SYNJ2: variants seen among roughly 807,000 people sequenced by gnomAD.
The protein encoded by SYNJ2 is synaptojanin 2.
Under a neutral mutation model 141.3 loss-of-function variants are expected in SYNJ2, and 116 were observed. The observed-to-expected ratio is 0.82, with a 90% CI of 0.71 to 0.96. The LOEUF is 0.96. SYNJ2 is among the 40% of genes least tolerant of loss of function. The probability of loss-of-function intolerance (pLI) is 0.00; values close to 1 mark genes in which losing one functional copy is unlikely to be tolerated. For missense variants in SYNJ2, 1,873 were observed against 1,934.8 expected (o/e 0.97, Z 0.60); for synonymous variants, 745 against 777.7 (o/e 0.96, Z 0.70).
intron 4 of SYNJ2, among the ~76,000 whole-genome samples, chr6:158,034,770 A>C (rs769365429): frequency 1.3e-5 from 2 of 152,178 alleles, no homozygotes; most frequent in Non-Finnish European, 2.9e-5. Context: ...CTATGTCTAG[A>C]ATGGTATTGC....
chr6:158,088,940 T>G (rs1310955282), intron 24 of SYNJ2, among the ~76,000 whole-genome samples, 168 bp downstream of exon 24: 1 of 152,170 alleles, frequency 6.6e-6, no homozygotes, highest in East Asian at 1.9e-4. Flanking sequence ...ATAGGGCTTT[T>G]AAATGGTTGT....
intron 2 of SYNJ2, among the ~76,000 whole-genome samples, chr6:158,021,482 G>T (rs1478633539): frequency 6.6e-6 from 1 of 152,270 alleles, no homozygotes; most frequent in Admixed American, 6.5e-5. Flanking sequence ...GTTTCTTAGA[G>T]TGTGGCCTGG....
intron 1 of SYNJ2, among the ~76,000 whole-genome samples, chr6:158,004,754 G>A (rs574345026): frequency 5.0e-4 from 76 of 152,178 alleles, no homozygotes; most frequent in African/African-American, 1.7e-3. Flanking sequence ...GGTCTGGATC[G>A]GGACCCCTTT....
intron 1 of SYNJ2, among the ~76,000 whole-genome samples, chr6:157,998,823 A>G (rs570509423): frequency 1.3e-5 from 2 of 152,358 alleles, no homozygotes; most frequent in South Asian, 4.1e-4. Context: ...GTTGAGCTCC[A>G]TGAATCTTCA....
intron 3 of SYNJ2, among the ~76,000 whole-genome samples, chr6:158,033,116 G>A (rs9456994): frequency 0.36 from 54,334 of 152,080 alleles, 9,911 homozygotes; most frequent in Middle Eastern, 0.48. Flanking sequence ...GCTAACCAGA[G>A]GCCCCTTTGC....
rs1779090240 is a variant in SYNJ2 at position 158,027,138 on chromosome 6, A to G, written c.215-1618A>G. The G allele has an allele frequency of 1.0e-6, 1 of 985,300 alleles. No homozygotes were observed. The highest frequency in any genetic ancestry group is 6.2e-5 in the Admixed American group (1 of 16,260). 61.0% of individuals were successfully genotyped at this position (985,300 alleles called of 1,614,324 possible). On this transcript the variant is annotated intron_variant, in intron 2 of 26. Transcript: ENST00000355585. This position sits in a 1 kb window ranked among gnomAD's most constrained non-coding sequence, Gnocchi z 4.6. ...GACAGCCACACGCCACCCTGCCACA[A>G]GCAGCGCTCTTCTCCCTATGAAGTG...
intron 16 of SYNJ2, among the ~76,000 whole-genome samples, chr6:158,075,514 G>C (rs1472178687): frequency 6.6e-6 from 1 of 151,828 alleles, no homozygotes; most frequent in African/African-American, 2.4e-5. Context: ...GGTGGCAGGC[G>C]CCTGTAATCC....
intron 1 of SYNJ2, among the ~76,000 whole-genome samples, chr6:158,008,257 G>T (rs1014241983): frequency 6.6e-6 from 1 of 152,156 alleles, no homozygotes; most frequent in Non-Finnish European, 1.5e-5. Flanking sequence ...ACAGGCATGA[G>T]CCACCACGTC....
chr6:158,035,809 A>G (rs905767071), intron 4 of SYNJ2, among the ~76,000 whole-genome samples: 1 of 152,150 alleles, frequency 6.6e-6, no homozygotes, highest in Non-Finnish European at 1.5e-5. Flanking sequence ...TAGTTTGAGG[A>G]TTGTGGATCT....
intron 12 of SYNJ2, among the ~76,000 whole-genome samples, chr6:158,067,144 G>A (rs888370701): frequency 2.0e-5 from 3 of 152,108 alleles, no homozygotes; most frequent in South Asian, 2.1e-4. Flanking sequence ...TCAGCCTCTC[G>A]AGTAGCTGGG....
At chr6:157,992,878 T>G (rs1777503518) in intron 1 of SYNJ2, among the ~76,000 whole-genome samples, 1 of 152,230 alleles carries the variant, frequency 6.6e-6, no homozygotes, top group Non-Finnish European at 1.5e-5. Context: ...AAATCTTGGC[T>G]ATTGTGAACA....
chr6:158,046,899 C>CCT (rs1554243284), intron 5 of SYNJ2, among the ~76,000 whole-genome samples: 10 of 151,682 alleles, frequency 6.6e-5, no homozygotes, highest in African/African-American at 2.4e-4. Flanking sequence ...CTTCCCCCCA[C>CCT]CATATGCTGT....
chr6:158,064,582 A>G lies in SYNJ2; in HGVS notation c.1210-19A>G, dbSNP rs1781441515. The G allele has an allele frequency of 6.2e-7, 1 of 1,611,672 alleles. No homozygotes were observed. ...TCTGTGGGAGAAGCCAGTGACAGCC[A>G]TCCCTTATTCCTCCCCAGGTCCTGC... On this transcript the variant is annotated intron_variant, in intron 9 of 26. Coordinates refer to ENST00000355585, the MANE Select transcript of SYNJ2 (RefSeq NM_003898.4).
chr6:158,072,615 T>G (rs977592255), intron 15 of SYNJ2, among the ~76,000 whole-genome samples: 11 of 152,138 alleles, frequency 7.2e-5, no homozygotes, highest in African/African-American at 2.7e-4. Context: ...GCACGAGCAC[T>G]CAAGGCAAAA....
At chr6:157,997,604 AT>A (rs1777684381) in intron 1 of SYNJ2, among the ~76,000 whole-genome samples, 1 of 152,066 alleles carries the variant, frequency 6.6e-6, no homozygotes, top group East Asian at 1.9e-4. Flanking sequence ...GAGACAATAA[AT>A]TTGCTGTTGT....
chr6:158,094,563 C>T (rs1783686435), intron 26 of SYNJ2, among the ~76,000 whole-genome samples: 1 of 152,204 alleles, frequency 6.6e-6, no homozygotes, highest in Non-Finnish European at 1.5e-5. Context: ...AGTCGGGGAC[C>T]ACCTGCTTTG....
chr6:158,030,928 G>A (rs557107351), intron 3 of SYNJ2: 1 of 152,172 alleles, frequency 6.6e-6, no homozygotes, highest in African/African-American at 2.4e-5. Flanking sequence ...AAATAAAATC[G>A]TGAATCTCAT....
At position 158,033,618 on chromosome 6, in the gene SYNJ2, C is replaced by T. The variant is rs753885769; in HGVS notation, c.649C>T (p.Arg217Cys). The stretch of plus-strand genomic sequence containing the variant: ...CGTTAGCTGTGAGCGCACAGGCACT[C>T]GCTTCCACACCCGTGGCGTGAACGA... ...SRVSCERTGT[R>C]FHTRGVNDDG... Residue 217 changes from arginine to cysteine, a missense_variant, in exon 4 of 27, where the codon CGC becomes TGC. Arg to Cys is a radical substitution (Grantham distance 180, BLOSUM62 -3). Coordinates refer to ENST00000355585, the MANE Select transcript of SYNJ2 (RefSeq NM_003898.4). 97 of 1,613,492 alleles carry T rather than the reference C, an allele frequency of 6.0e-5. No homozygotes were observed. The highest frequency in any genetic ancestry group is 1.6e-4 in the South Asian group (15 of 91,086).
At position 158,084,245 on chromosome 6, in the gene SYNJ2, T is replaced by C; in HGVS notation, c.3208+71T>C. ...CTCAGGACAGACTTTCCTTTTTCTCTTGGCGATTGGGCACTGTGTGATATC... is the reference window on the plus strand; with the variant it reads ...CTCAGGACAGACTTTCCTTTTTCTCCTGGCGATTGGGCACTGTGTGATATC... On this transcript the variant is annotated intron_variant, in intron 22 of 26. Coordinates refer to ENST00000355585, the MANE Select transcript of SYNJ2 (RefSeq NM_003898.4). This position sits in a 1 kb window ranked among gnomAD's most constrained non-coding sequence, Gnocchi z 5.0. 1.3e-6 allele frequency: 2 copies of C among 1,513,560 alleles called. No individual in the cohort carries two copies. The highest frequency in any genetic ancestry group is 1.8e-6 in the Non-Finnish European group (2 of 1,120,510). The allele number at this position is 1,513,560 out of a possible 1,614,324, so 93.8% of individuals were successfully genotyped here. A position where few individuals can be genotyped will look rare whatever the true frequency, so the allele number is the denominator to read the frequency against.
Sources: gnomAD v4.1 joint callset for allele counts (sites outside exome capture counted in the v4.1 genomes callset) on GRCh38, gnomAD v4.1.1 for gene constraint, Gnocchi (gnomAD v3.1) non-coding constraint, MANE v1.5 for transcripts, NCBI Gene and HGNC (gene_info 2026-07-23, HGNC 2026-07-21) for gene names.